Variants in TMEM132C observed in about 807,000 individuals in gnomAD.
TMEM132C encodes transmembrane protein 132C.
A neutral mutation model predicts 61.4 loss-of-function variants in TMEM132C; 29 were observed. The observed-to-expected ratio is 0.47, with a 90% CI of 0.35 to 0.64. The LOEUF is 0.64. Ranked by LOEUF, TMEM132C falls within the 30% of genes least tolerant of loss-of-function variation. The probability of loss-of-function intolerance (pLI) is 0.00; values close to 1 mark genes in which losing one functional copy is unlikely to be tolerated. For synonymous variants in TMEM132C, 656 were observed against 633.1 expected (o/e 1.04, Z -0.54); for missense variants, 1,408 against 1,476.9 (o/e 0.95, Z 0.76).
In TMEM132C at chr12:128,601,343, C is replaced by T. The variant is rs548196630; in HGVS notation, c.1122-14809C>T. Among the ~76,000 whole-genome samples, 4 of 152,326 alleles carry T rather than the reference C, an allele frequency of 2.6e-5. No homozygotes were observed. The South Asian group carries it at 8.3e-4, about 32-fold the overall frequency. ...GGCACTCGGCTCCTGGCGCAATCAC[C>T]CAGTCATTCTTCACTCCGCAAACAT... On this transcript the variant is annotated intron_variant, in intron 3 of 8. Coordinates refer to ENST00000435159, the MANE Select transcript of TMEM132C (RefSeq NM_001136103.3).
intron 4 of TMEM132C, among the ~76,000 whole-genome samples, chr12:128,651,201 T>G (rs564749243): frequency 6.6e-6 from 1 of 152,334 alleles, no homozygotes; most frequent in East Asian, 1.9e-4. Context: ...AGGCTGCAGC[T>G]TGAAGATTTT....
intron 5 of TMEM132C, among the ~76,000 whole-genome samples, chr12:128,689,249 C>T (rs1954701104): frequency 6.6e-6 from 1 of 152,106 alleles, no homozygotes; most frequent in African/African-American, 2.4e-5. Flanking sequence ...TTAAGTCAAG[C>T]TAAGCAGCAT....
At position 128,501,765 on chromosome 12, in the gene TMEM132C, A is replaced by G. The variant is rs1872189146; in HGVS notation, c.975-42192A>G. 2.6e-5 allele frequency among the ~76,000 whole-genome samples: 4 copies of G among 152,250 alleles called. No individual in the cohort carries two copies. In the South Asian group the frequency reaches 8.3e-4, roughly 32 times the overall value. Reference sequence around the variant, plus strand: ...AGTCTTTGAACCTGAGAGCAGCAGCAGCAGCATCTATGTATCCAGATGAAC... The same window carrying G: ...AGTCTTTGAACCTGAGAGCAGCAGCGGCAGCATCTATGTATCCAGATGAAC... On this transcript the variant is annotated intron_variant, in intron 2 of 8. Coordinates refer to ENST00000435159, the MANE Select transcript of TMEM132C (RefSeq NM_001136103.3).
chr12:128,493,447 G>A (rs1476035037), intron 2 of TMEM132C, among the ~76,000 whole-genome samples: 2 of 152,124 alleles, frequency 1.3e-5, no homozygotes, highest in Non-Finnish European at 2.9e-5. Flanking sequence ...GGGCAGTATG[G>A]CCATTTTCAC....
At chr12:128,691,694 T>C (rs1191633790) in intron 5 of TMEM132C, among the ~76,000 whole-genome samples, 1 of 152,220 alleles carries the variant, frequency 6.6e-6, no homozygotes, top group Non-Finnish European at 1.5e-5. Flanking sequence ...TGTCCATCAG[T>C]GTGTCCATCC....
intron 1 of TMEM132C, among the ~76,000 whole-genome samples, chr12:128,336,088 A>G (rs372257456): frequency 6.6e-6 from 1 of 152,226 alleles, no homozygotes; most frequent in African/African-American, 2.4e-5. Context: ...TTAAATAAAT[A>G]CAACAGGCTT....
At chr12:128,483,945 T>C (rs1299910380) in intron 2 of TMEM132C, among the ~76,000 whole-genome samples, 3 of 152,226 alleles carry the variant, frequency 2.0e-5, no homozygotes, top group African/African-American at 7.2e-5. Flanking sequence ...TGCTGTGATC[T>C]ATGCTCTTGA....
chr12:128,674,832 C>G (rs998990246), intron 5 of TMEM132C, among the ~76,000 whole-genome samples: 4 of 151,898 alleles, frequency 2.6e-5, no homozygotes, highest in Non-Finnish European at 4.4e-5. Context: ...CCTCCCGCCC[C>G]CAAAATTCCC....
At chr12:128,511,817 T>A (rs1452193090) in intron 2 of TMEM132C, among the ~76,000 whole-genome samples, 1 of 152,198 alleles carries the variant, frequency 6.6e-6, no homozygotes, top group Non-Finnish European at 1.5e-5. Flanking sequence ...CCACTCTGCA[T>A]CCTACTGCTA....
At chr12:128,527,682 C>A (rs560990185) in intron 2 of TMEM132C, among the ~76,000 whole-genome samples, 1 of 147,772 alleles carries the variant, frequency 6.8e-6, no homozygotes, top group Non-Finnish European at 1.5e-5. Context: ...TGTATGTGAA[C>A]GTGCATGTAC....
At chr12:128,613,961 T>A (rs906683218) in intron 3 of TMEM132C, among the ~76,000 whole-genome samples, 7 of 152,242 alleles carry the variant, frequency 4.6e-5, no homozygotes, top group African/African-American at 1.7e-4. Flanking sequence ...TCTGCAAACA[T>A]GTAGCCTTCC....
At chr12:128,513,776 A>G (rs551818812) in intron 2 of TMEM132C, among the ~76,000 whole-genome samples, 2 of 152,336 alleles carry the variant, frequency 1.3e-5, no homozygotes, top group Non-Finnish European at 2.9e-5. Flanking sequence ...AATTGAACAA[A>G]TACTTTCAGA....
At chr12:128,543,835 A>T in intron 2 of TMEM132C, 122 bp from the exon 3 acceptor site, 2 of 1,303,280 alleles carry the variant, frequency 1.5e-6, no homozygotes, top group Non-Finnish European at 2.1e-6. Context: ...GCCTCTCACT[A>T]GATATGAAAA....
At chr12:128,493,802 C>A (rs1871838984) in intron 2 of TMEM132C, among the ~76,000 whole-genome samples, 1 of 152,134 alleles carries the variant, frequency 6.6e-6, no homozygotes, top group Non-Finnish European at 1.5e-5. Context: ...CAAACAGGGA[C>A]AATTTGACTT....
chr12:128,683,711 A>G (rs1308359368), intron 5 of TMEM132C, among the ~76,000 whole-genome samples: 1 of 152,212 alleles, frequency 6.6e-6, no homozygotes. Flanking sequence ...TCACGCCTGT[A>G]ATCCTAGCAC....
chr12:128,279,028 A>T (rs1193372), intron 1 of TMEM132C, among the ~76,000 whole-genome samples: 6,080 of 152,194 alleles, frequency 0.04, 92 homozygotes, highest in African/African-American at 0.048. Flanking sequence ...CCATAATTGC[A>T]TGAGCCAATA....
chr12:128,443,141 TGAGA>T (rs375633151), intron 2 of TMEM132C, among the ~76,000 whole-genome samples: 87 of 148,574 alleles, frequency 5.9e-4, no homozygotes, highest in Middle Eastern at 3.5e-3. Flanking sequence ...ATATATATAT[TGAGA>T]GAGAGAGAGA....
intron 2 of TMEM132C, among the ~76,000 whole-genome samples, chr12:128,492,437 C>T (rs750994424): frequency 1.3e-5 from 2 of 152,338 alleles, no homozygotes; most frequent in East Asian, 1.9e-4. Flanking sequence ...CTGTCTTCCA[C>T]GATGGTTGAC....
At chr12:128,354,396 AT>A (rs1390675619) in intron 1 of TMEM132C, among the ~76,000 whole-genome samples, 4 of 138,898 alleles carry the variant, frequency 2.9e-5, no homozygotes, top group African/African-American at 8.0e-5. Flanking sequence ...TCTTTCCTTT[AT>A]TTTTTTCTTC....
Sources: allele counts gnomAD v4.1 joint callset (sites outside exome capture counted in the v4.1 genomes callset), GRCh38; gene constraint gnomAD v4.1.1; transcripts MANE v1.5; gene names NCBI Gene and HGNC (gene_info 2026-07-23, HGNC 2026-07-21).